MAGI1: variants seen among roughly 807,000 people sequenced by gnomAD.
MAGI1 encodes the protein membrane associated guanylate kinase, WW and PDZ domain containing 1, also known as membrane-associated guanylate kinase, WW and PDZ domain-containing protein 1.
Under a neutral mutation model 139.9 loss-of-function variants are expected in MAGI1, and 58 were observed. The observed-to-expected ratio is 0.41, with a 90% CI of 0.34 to 0.52. The LOEUF (loss-of-function observed/expected upper bound fraction) is 0.52. Among genes scored for constraint, MAGI1 ranks in the 20% least tolerant of loss-of-function variants. The pLI is 0.12. For missense variants in MAGI1, 1,874 were observed against 1,901.6 expected (o/e 0.99, Z 0.27); for synonymous variants, 812 against 737.9 (o/e 1.10, Z -1.63).
intron 1 of MAGI1, among the ~76,000 whole-genome samples, chr3:65,910,658 C>T (rs1046821254): frequency 1.3e-5 from 2 of 151,974 alleles, no homozygotes; most frequent in African/African-American, 4.8e-5. Flanking sequence ...AAACATCCTG[C>T]GTTAGAAACG....
intron 1 of MAGI1, among the ~76,000 whole-genome samples, chr3:65,827,985 G>A (rs985031795): frequency 2.6e-5 from 4 of 152,122 alleles, no homozygotes; most frequent in Non-Finnish European, 2.9e-5. Context: ...TTTCCTTCCA[G>A]ATGAACCAGG....
intron 14 of MAGI1, among the ~76,000 whole-genome samples, chr3:65,390,939 C>T (rs1004516701): frequency 1.3e-5 from 2 of 152,192 alleles, no homozygotes; most frequent in African/African-American, 4.8e-5. Flanking sequence ...CCATCCACTT[C>T]TACCCCCTCC....
At chr3:65,619,796 A>C in intron 2 of MAGI1, 2 of 944,876 alleles carry the variant, frequency 2.1e-6, no homozygotes, top group Non-Finnish European at 2.5e-6. Flanking sequence ...TCCAAAACAG[A>C]CCTCTTCTGA....
intron 12 of MAGI1, among the ~76,000 whole-genome samples, chr3:65,408,640 T>A (rs559439813): frequency 2.0e-5 from 3 of 152,336 alleles, no homozygotes; most frequent in South Asian, 2.1e-4. Flanking sequence ...GCCATCTGCA[T>A]CATTTCCTGC....
At chr3:66,008,176 T>G (rs1185699797) in intron 1 of MAGI1, among the ~76,000 whole-genome samples, 4 of 151,964 alleles carry the variant, frequency 2.6e-5, no homozygotes, top group Non-Finnish European at 5.9e-5. Context: ...GGATCATAGG[T>G]GTGAGCCACC....
intron 12 of MAGI1, among the ~76,000 whole-genome samples, chr3:65,425,208 T>C (rs1318355328): frequency 6.7e-6 from 1 of 150,124 alleles, no homozygotes; most frequent in Non-Finnish European, 1.5e-5. Context: ...AAATAAAATA[T>C]TAATGCTTCC....
chr3:65,977,879 C>T (rs947606675), intron 1 of MAGI1, among the ~76,000 whole-genome samples: 2 of 152,166 alleles, frequency 1.3e-5, no homozygotes, highest in African/African-American at 4.8e-5. Context: ...GCACTGCTCC[C>T]TCTGCCCGCT....
At chr3:65,687,644 G>T (rs2088176759) in intron 1 of MAGI1, 1 of 470,752 alleles carries the variant, frequency 2.1e-6, no homozygotes, top group Non-Finnish European at 4.3e-6. Flanking sequence ...GTCACTACAG[G>T]CCACAGTGCA....
chr3:65,508,307 G>C (rs2077391086), intron 2 of MAGI1, among the ~76,000 whole-genome samples: 1 of 152,082 alleles, frequency 6.6e-6, no homozygotes, highest in Non-Finnish European at 1.5e-5. Context: ...CAGAGGCTGA[G>C]GCAGGAGAAT....
chr3:66,025,329 A>C (rs1378688260), intron 1 of MAGI1, among the ~76,000 whole-genome samples: 1 of 152,174 alleles, frequency 6.6e-6, no homozygotes, highest in Non-Finnish European at 1.5e-5. Context: ...GCTTGAGCCC[A>C]GGATTCTGAG....
rs576387556 is a variant in MAGI1, at chr3:65,692,080, T to C, written c.314-69992A>G. Among the ~76,000 whole-genome samples the C allele has an allele frequency of 1.6e-4, 24 of 152,150 alleles. No homozygotes were observed. In the East Asian group the frequency reaches 3.9e-3, roughly 25 times the overall value. The stretch of plus-strand genomic sequence containing the variant: ...CTAACACTACTTGAGCTAAATCAAG[T>C]AGACAAGTATAGGTATATAAGACCT... On this transcript the variant is annotated intron_variant, in intron 1 of 22. Transcript: ENST00000402939.
intron 12 of MAGI1, among the ~76,000 whole-genome samples, chr3:65,424,083 A>C (rs541910353): frequency 6.6e-6 from 1 of 152,264 alleles, no homozygotes; most frequent in African/African-American, 2.4e-5. Flanking sequence ...GAAGTCTTGA[A>C]AGGTTTTATT....
At chr3:65,935,010 T>C (rs1335156416) in intron 1 of MAGI1, among the ~76,000 whole-genome samples, 1 of 151,998 alleles carries the variant, frequency 6.6e-6, no homozygotes, top group African/African-American at 2.4e-5. Flanking sequence ...AACATTCCAG[T>C]AAAGGAATGA....
At chr3:65,723,380 G>A (rs1214501701) in intron 1 of MAGI1, among the ~76,000 whole-genome samples, 1 of 152,142 alleles carries the variant, frequency 6.6e-6, no homozygotes, top group Non-Finnish European at 1.5e-5. Context: ...TATCTGGAAG[G>A]TGTTAAGAGT....
chr3:65,642,490 T>C (rs536213886), intron 1 of MAGI1, among the ~76,000 whole-genome samples: 3 of 152,286 alleles, frequency 2.0e-5, no homozygotes, highest in South Asian at 4.1e-4. Flanking sequence ...TTCAACCAGA[T>C]ACCAAAATTT....
chr3:65,679,881 A>G (rs1234691533), intron 1 of MAGI1, among the ~76,000 whole-genome samples: 1 of 152,218 alleles, frequency 6.6e-6, no homozygotes, highest in African/African-American at 2.4e-5. Flanking sequence ...TTGCATGCCA[A>G]TATGGCCTAG....
chr3:65,868,499 C>G (rs2059807922), intron 1 of MAGI1, among the ~76,000 whole-genome samples: 1 of 152,140 alleles, frequency 6.6e-6, no homozygotes, highest in African/African-American at 2.4e-5. Flanking sequence ...GACAGACTCC[C>G]TGCACCCTGG....
chr3:65,510,525 G>C (rs953689175), intron 2 of MAGI1, among the ~76,000 whole-genome samples: 14 of 149,444 alleles, frequency 9.4e-5, no homozygotes, highest in African/African-American at 3.5e-4. Flanking sequence ...CCCAGGAGCC[G>C]ATGCGATCAA....
chr3:65,797,760 T>C (rs1465561307), intron 1 of MAGI1, among the ~76,000 whole-genome samples: 2 of 152,018 alleles, frequency 1.3e-5, no homozygotes, highest in African/African-American at 4.8e-5. Context: ...TACTAATATT[T>C]TAACCAATAT....
Sources: allele counts gnomAD v4.1 joint callset (sites outside exome capture counted in the v4.1 genomes callset), GRCh38; gene constraint gnomAD v4.1.1; transcripts MANE v1.5; gene names NCBI Gene and HGNC (gene_info 2026-07-23, HGNC 2026-07-21).